The following TNFSF12 variants were observed in gnomAD, a reference collection of about 807,000 sequenced individuals.
The protein encoded by TNFSF12 is TNF superfamily member 12, also known as tumor necrosis factor ligand superfamily member 12.
Under a neutral mutation model 31.2 loss-of-function variants are expected in TNFSF12, and 16 were observed. The ratio of observed to expected loss-of-function variants is 0.51; its 90% CI spans 0.35 to 0.78. The LOEUF is 0.78. Ranked by LOEUF, TNFSF12 falls within the 30% of genes least tolerant of loss-of-function variation. The pLI, the probability that TNFSF12 is intolerant of heterozygous loss-of-function variation, is 0.01. For missense variants in TNFSF12, 324 were observed against 338.8 expected, an observed-to-expected ratio of 0.96 and a Z score of 0.34; for synonymous variants, 150 against 151.4, an observed-to-expected ratio of 0.99 and a Z score of 0.07.
rs1031871229 is a variant in TNFSF12, at chr17:7,557,664, G to A, written c.*314G>A. 1.6e-5 allele frequency: 5 copies of A among 304,030 alleles called. No individual in the cohort carries two copies. The highest frequency in any genetic ancestry group is 2.5e-5 in the Non-Finnish European group (4 of 162,118). 18.8% of individuals were successfully genotyped at this position (304,030 alleles called of 1,614,324 possible). On this transcript the variant is annotated 3_prime_UTR_variant, in exon 7 of 7. Transcript: ENST00000293825. The surrounding 1 kb of genome is among the most constrained non-coding windows in gnomAD (Gnocchi z 5.2). ...GGCATTGTGTTCACTGTACTCTGTG[G>A]GCAAGGATGGGTCCAGAAGACCCCA...
chr17:7,552,177 T>C (rs923917542), intron 5 of TNFSF12, among the ~76,000 whole-genome samples: 5 of 152,204 alleles, frequency 3.3e-5, no homozygotes, highest in African/African-American at 7.2e-5. Flanking sequence ...TTGGGAAGTA[T>C]GTAAGATAAT....
At position 7,549,661 on chromosome 17, in the gene TNFSF12, G is replaced by A. The variant is rs2070977754; in HGVS notation, c.207+140G>A. On this transcript the variant is annotated intron_variant, in intron 2 of 6. Transcript: ENST00000293825. This position sits in a 1 kb window ranked among gnomAD's most constrained non-coding sequence, Gnocchi z 4.1. Reference sequence around the variant, plus strand: ...GTGAACACAGTGCGTGCATGGGTGCGTGTCTGCAGGGGTGTGTGTGCGTGG... The same window carrying A: ...GTGAACACAGTGCGTGCATGGGTGCATGTCTGCAGGGGTGTGTGTGCGTGG... The A allele has an allele frequency of 5.4e-6, 7 of 1,292,332 alleles. No individual in the cohort carries two copies. The highest frequency in any genetic ancestry group is 6.1e-6 in the Non-Finnish European group (6 of 976,028). The allele number at this position is 1,292,332 out of a possible 1,614,324, so 80.1% of individuals were successfully genotyped here.
intron 5 of TNFSF12, among the ~76,000 whole-genome samples, 172 bp from the exon 6 acceptor site, chr17:7,556,606 C>A (rs1042114906): frequency 1.3e-5 from 2 of 152,190 alleles, no homozygotes; most frequent in African/African-American, 2.4e-5. Context: ...TTTCACATAA[C>A]TTCCTAGTCA....
chr17:7,552,325 G>A (rs897453666), intron 5 of TNFSF12, among the ~76,000 whole-genome samples: 2 of 148,912 alleles, frequency 1.3e-5, no homozygotes, highest in African/African-American at 4.9e-5. Context: ...CCATATGGAT[G>A]GCTTTTTTTT....
intron 5 of TNFSF12, chr17:7,553,847 G>T (rs1162161327): frequency 9.0e-7 from 1 of 1,106,766 alleles, no homozygotes; most frequent in Admixed American, 3.8e-5. Context: ...GATTTGCTGG[G>T]GGGAGATGAG....
At position 7,557,262 on chromosome 17, in the gene TNFSF12, G is replaced by C. The variant is rs764630895; in HGVS notation, c.662G>C (p.Gly221Ala). ...QVSGLLALRP[G>A]SSLRIRTLPW... ...TCTGGGCTGTTGGCCCTGCGGCCAG[G>C]GTCCTCCCTGCGGATCCGCACCCTC... The change falls in exon 7 of 7, where the codon GGG (glycine) becomes GCG (alanine). Residue 221 changes from glycine (G) to alanine (A), a missense_variant. Transcript: ENST00000293825. The surrounding 1 kb of genome is among the most constrained non-coding windows in gnomAD (Gnocchi z 5.2). 1.4e-5 allele frequency: 22 copies of C among 1,613,814 alleles called. No individual in the cohort carries two copies. In the South Asian group the frequency reaches 2.4e-4, roughly 18 times the overall value.
Position 7,557,080 on chromosome 17 carries a change from C to A in TNFSF12, c.499-19C>A. 1 of 1,600,704 alleles carries A rather than the reference C, an allele frequency of 6.2e-7. No homozygotes were observed. Among genetic ancestry groups the A allele is most frequent in the Non-Finnish European group, 8.5e-7 (1 of 1,170,960 alleles). The stretch of plus-strand genomic sequence containing the variant: ...AGGGCAGGCAGAGGCCTGGACTCGG[C>A]CTGTTGTCCCCACCCCAGGTGCACT... On this transcript the variant is annotated intron_variant, in intron 6 of 6. Transcript: ENST00000293825. This position sits in a 1 kb window ranked among gnomAD's most constrained non-coding sequence, Gnocchi z 5.2.
In TNFSF12 at chr17:7,557,232, A is replaced by C; in HGVS notation, c.632A>C (p.Gln211Pro). ...SSLGPQLRLC[Q>P]VSGLLALRPG... ...CTCGGGCCCCAGCTCCGCCTCTGCC[A>C]GGTGTCTGGGCTGTTGGCCCTGCGG... Residue 211 changes from glutamine (Q) to proline (P), a missense_variant, in exon 7 of 7, where the codon CAG (glutamine) becomes CCG (proline). By Grantham distance (76) the Gln-to-Pro change is moderately conservative (BLOSUM62 -1). Coordinates refer to ENST00000293825, the MANE Select transcript of TNFSF12 (RefSeq NM_003809.3). This position sits in a 1 kb window ranked among gnomAD's most constrained non-coding sequence, Gnocchi z 5.2. 6.2e-7 allele frequency: 1 copy of C among 1,612,274 alleles called. No homozygotes were observed. Among genetic ancestry groups the C allele is most frequent in the Non-Finnish European group, 8.5e-7 (1 of 1,178,702 alleles).
Position 7,550,754 on chromosome 17 carries a change from C to T in TNFSF12, c.284-45C>T. 1 of 1,588,792 alleles carries T rather than the reference C, an allele frequency of 6.3e-7. No individual in the cohort carries two copies. The highest frequency in any genetic ancestry group is 8.6e-7 in the Non-Finnish European group (1 of 1,160,350). On this transcript the variant is annotated intron_variant, in intron 3 of 6. Transcript: ENST00000293825. The surrounding 1 kb of genome is among the most constrained non-coding windows in gnomAD (Gnocchi z 4.4). ...GGGCTGGGAGAGTTGCTCTGGGACC[C>T]CCACTAGGGCCCGCTTTGCTCATCT...
intron 5 of TNFSF12, among the ~76,000 whole-genome samples, chr17:7,554,537 G>T (rs536502488): frequency 6.7e-5 from 10 of 149,792 alleles, no homozygotes; most frequent in Admixed American, 3.3e-4. Flanking sequence ...GGATGGTCTC[G>T]ATCTCCTGAC....
chr17:7,557,051 G>A lies in TNFSF12; in HGVS notation c.499-48G>A, dbSNP rs760164294. ...CGTCGCTGAGGAAATTGGAAATTGA[G>A]GCGAGGGCAGGCAGAGGCCTGGACT... On this transcript the variant is annotated intron_variant, in intron 6 of 6. Coordinates refer to ENST00000293825, the MANE Select transcript of TNFSF12 (RefSeq NM_003809.3). This position sits in a 1 kb window ranked among gnomAD's most constrained non-coding sequence, Gnocchi z 5.2. 4.0e-5 allele frequency: 63 copies of A among 1,568,254 alleles called. 1 individual carries two copies. The Admixed American group carries it at 1.1e-3, about 27-fold the overall frequency.
In TNFSF12 at chr17:7,553,879, C is replaced by G. The variant is rs922904250; in HGVS notation, c.374-2899C>G. On this transcript the variant is annotated intron_variant, in intron 5 of 6. Transcript: ENST00000293825. ...TGAGGGAACCTTTGCTCGATGACTT[C>G]TAGGTCCTCTGGACAACTAGGGAGA... 3 of 1,082,076 alleles carry G rather than the reference C, an allele frequency of 2.8e-6. No individual in the cohort carries two copies. The Admixed American group carries it at 1.2e-4, about 44-fold the overall frequency. 67.0% of individuals were successfully genotyped at this position (1,082,076 alleles called of 1,614,324 possible).
intron 5 of TNFSF12, among the ~76,000 whole-genome samples, chr17:7,555,987 T>TTG (rs1555564716): frequency 2.3e-5 from 3 of 130,998 alleles, no homozygotes; most frequent in South Asian, 2.5e-4. Flanking sequence ...TTTTTGTTTT[T>TTG]TTTTTTTTTT....
At position 7,549,442 on chromosome 17, in the gene TNFSF12, G is replaced by C. The variant is rs1294892708; in HGVS notation, c.160-32G>C. On this transcript the variant is annotated intron_variant, in intron 1 of 6. Coordinates refer to ENST00000293825, the MANE Select transcript of TNFSF12 (RefSeq NM_003809.3). The surrounding 1 kb of genome is among the most constrained non-coding windows in gnomAD (Gnocchi z 4.1). ...TGGAGGGTGAGATGTCAGGTGGAGC[G>C]GCACAGGGTGACGCTCCCTCCTTCC... 7 of 1,479,162 alleles carry C rather than the reference G, an allele frequency of 4.7e-6. No homozygotes were observed. The South Asian group carries it at 6.6e-5, about 14-fold the overall frequency. 91.6% of individuals were successfully genotyped at this position (1,479,162 alleles called of 1,614,324 possible). A position where few individuals can be genotyped will look rare whatever the true frequency, so the allele number is the denominator to read the frequency against.
At position 7,557,178 on chromosome 17, in the gene TNFSF12, A is replaced by G; in HGVS notation, c.578A>G (p.Glu193Gly). The G allele has an allele frequency of 6.2e-7, 1 of 1,612,404 alleles. No homozygotes were observed. Among genetic ancestry groups the G allele is most frequent in the Non-Finnish European group, 8.5e-7 (1 of 1,178,872 alleles). The change falls in exon 7 of 7, where the codon GAG becomes GGG. Residue 193 changes from glutamate to glycine, a missense_variant. Transcript: ENST00000293825. The surrounding 1 kb of genome is among the most constrained non-coding windows in gnomAD (Gnocchi z 5.2). Reference sequence around the variant, plus strand: ...GGTGTGCTGGCCCTGCGCTGCCTGGAGGAATTCTCAGCCACTGCGGCGAGT... The same window carrying G: ...GGTGTGCTGGCCCTGCGCTGCCTGGGGGAATTCTCAGCCACTGCGGCGAGT... ...VDGVLALRCL[E>G]EFSATAASSL... is the part of the protein sequence containing the mutation.
rs1237071532 is a variant in TNFSF12 at position 7,550,561 on chromosome 17, C to G, written c.284-238C>G. Among the ~76,000 whole-genome samples the G allele has an allele frequency of 1.3e-5, 2 of 152,150 alleles. No homozygotes were observed. The highest frequency in any genetic ancestry group is 2.9e-5 in the Non-Finnish European group (2 of 68,020). On this transcript the variant is annotated intron_variant, in intron 3 of 6. Transcript: ENST00000293825. The surrounding 1 kb of genome is among the most constrained non-coding windows in gnomAD (Gnocchi z 4.4). ...GGCATGCAGTTGTCCTGGCCCCCAC[C>G]TGTTATCTCGGTGTGATTAATAGCA... is the stretch of plus-strand genomic sequence containing the variant.
chr17:7,556,944 G>T, intron 6 of TNFSF12, 42 bp downstream of exon 6: 1 of 1,529,534 alleles, frequency 6.5e-7, no homozygotes, highest in South Asian at 1.3e-5. Flanking sequence ...GTAAGAGAGT[G>T]GCGAAGGGTT....
rs2071093091 is a variant in TNFSF12, at chr17:7,557,755, G to A, written c.*405G>A. 1 of 185,476 alleles carries A rather than the reference G, an allele frequency of 5.4e-6. No homozygotes were observed. The allele number at this position is 185,476 out of a possible 1,614,324, so 11.5% of individuals were successfully genotyped here. On this transcript the variant is annotated 3_prime_UTR_variant, in exon 7 of 7. Transcript: ENST00000293825. The surrounding 1 kb of genome is among the most constrained non-coding windows in gnomAD (Gnocchi z 5.2). ...CAAAGAGACTGGGCCTAGGCCAGGA[G>A]TTCCCAAATGTGAGGGGCGAGAAAC... is the stretch of plus-strand genomic sequence containing the variant.
Position 7,549,752 on chromosome 17 carries a change from G to C in TNFSF12, c.207+231G>C. ...CCTGAGTCTGAGGTGTTTATTGGCT[G>C]GGGGTGACGTGGTTGTATAAGATAT... On this transcript the variant is annotated intron_variant, in intron 2 of 6. Transcript: ENST00000293825. This position sits in a 1 kb window ranked among gnomAD's most constrained non-coding sequence, Gnocchi z 4.1. The C allele has an allele frequency of 2.9e-6, 2 of 689,288 alleles. No homozygotes were observed. The highest frequency in any genetic ancestry group is 2.8e-5 in the East Asian group (1 of 36,246). The allele number at this position is 689,288 out of a possible 1,614,324, so 42.7% of individuals were successfully genotyped here.
Sources: gnomAD v4.1 joint callset for allele counts (sites outside exome capture counted in the v4.1 genomes callset) on GRCh38, gnomAD v4.1.1 for gene constraint, Gnocchi (gnomAD v3.1) non-coding constraint, MANE v1.5 for transcripts, NCBI Gene and HGNC (gene_info 2026-07-23, HGNC 2026-07-21) for gene names.